Variants in CREB5 observed in about 807,000 individuals in gnomAD.
CREB5 encodes cyclic AMP-responsive element-binding protein 5.
In CREB5, 19 loss-of-function variants were observed where a neutral mutation model predicts 57.1. The observed-to-expected ratio is 0.33, with a 90% CI of 0.23 to 0.49. CREB5 has a LOEUF of 0.49. CREB5 is among the 20% of genes least tolerant of loss of function. The probability of loss-of-function intolerance (pLI) is 0.99; values close to 1 mark genes in which losing one functional copy is unlikely to be tolerated. For missense variants in CREB5, 579 were observed against 671.6 expected, an observed-to-expected ratio of 0.86 and a Z score of 1.52; for synonymous variants, 238 against 238.3, an observed-to-expected ratio of 1.00 and a Z score of 0.01.
rs987250174 is a variant in CREB5 at position 28,663,568 on chromosome 7, T to C, written c.465-55185T>C. 2.6e-5 allele frequency among the ~76,000 whole-genome samples: 4 copies of C among 152,200 alleles called. No homozygotes were observed. In the South Asian group the frequency reaches 6.2e-4, roughly 24 times the overall value. On this transcript the variant is annotated intron_variant, in intron 5 of 10. Transcript: ENST00000357727. ...AAGTCAAGAGGGGACCACAAGTCTCTGGTCTAAGATTCCGTTTTCATATTT... is the reference window on the plus strand; with the variant it reads ...AAGTCAAGAGGGGACCACAAGTCTCCGGTCTAAGATTCCGTTTTCATATTT...
intron 5 of CREB5, among the ~76,000 whole-genome samples, chr7:28,667,509 A>T (rs1053417685): frequency 1.8e-4 from 28 of 152,064 alleles, no homozygotes; most frequent in African/African-American, 6.0e-4. Context: ...TCCTTTTTAA[A>T]CCAAGGATAT....
At chr7:28,804,649 C>T (rs1018339110) in intron 8 of CREB5, 127 bp downstream of exon 8, 35 of 1,156,078 alleles carry the variant, frequency 3.0e-5, no homozygotes, top group Non-Finnish European at 4.3e-5. Context: ...ATTCTAGGGG[C>T]TCTGTTTATC....
intron 5 of CREB5, among the ~76,000 whole-genome samples, chr7:28,575,290 G>A (rs1795862736): frequency 6.6e-6 from 1 of 152,208 alleles, no homozygotes; most frequent in South Asian, 2.1e-4. Flanking sequence ...GTTCCCTCAA[G>A]ATGGGAATGT....
chr7:28,464,289 T>C (rs1035987714), intron 1 of CREB5, among the ~76,000 whole-genome samples: 1 of 152,212 alleles, frequency 6.6e-6, no homozygotes, highest in Non-Finnish European at 1.5e-5. Flanking sequence ...GAAATATTGC[T>C]GTGTATTTTC....
At chr7:28,331,817 C>T (rs1044745853) in intron 1 of CREB5, among the ~76,000 whole-genome samples, 55 of 148,392 alleles carry the variant, frequency 3.7e-4, no homozygotes, top group African/African-American at 1.1e-3. Flanking sequence ...CCATTGCACT[C>T]CAGCCTGGGT....
intron 5 of CREB5, among the ~76,000 whole-genome samples, chr7:28,577,148 G>A (rs1455602575): frequency 1.3e-5 from 2 of 152,200 alleles, no homozygotes; most frequent in Non-Finnish European, 2.9e-5. Flanking sequence ...TAAGCGCTCA[G>A]CTTCCCCAGG....
At chr7:28,434,796 C>A (rs1788880135) in intron 1 of CREB5, among the ~76,000 whole-genome samples, 1 of 152,080 alleles carries the variant, frequency 6.6e-6, no homozygotes, top group Admixed American at 6.6e-5. Flanking sequence ...ATGGCCCTGG[C>A]TTTTATTGTG....
At chr7:28,582,612 G>T (rs1432630237) in intron 5 of CREB5, among the ~76,000 whole-genome samples, 1 of 152,064 alleles carries the variant, frequency 6.6e-6, no homozygotes, top group Non-Finnish European at 1.5e-5. Context: ...TTATGGTGAT[G>T]GGTCTCATTT....
At chr7:28,485,318 C>T (rs904244692) in intron 1 of CREB5, among the ~76,000 whole-genome samples, 4 of 152,076 alleles carry the variant, frequency 2.6e-5, no homozygotes, top group African/African-American at 7.2e-5. Context: ...GTATATGAAA[C>T]TTTCTCATTT....
intron 5 of CREB5, among the ~76,000 whole-genome samples, chr7:28,585,777 G>A (rs1446570785): frequency 1.3e-5 from 2 of 152,058 alleles, no homozygotes; most frequent in African/African-American, 4.8e-5. Context: ...CGCATGGGAG[G>A]GTGTTAAAAG....
intron 5 of CREB5, among the ~76,000 whole-genome samples, chr7:28,694,169 C>T (rs553032876): frequency 5.2e-4 from 79 of 152,132 alleles, no homozygotes; most frequent in African/African-American, 1.6e-3. Flanking sequence ...CTAACACTTC[C>T]GTCAGCTCAG....
chr7:28,418,309 G>GT (rs1371914911), intron 1 of CREB5, among the ~76,000 whole-genome samples: 4 of 152,098 alleles, frequency 2.6e-5, no homozygotes, highest in East Asian at 3.8e-4. Context: ...TAATATACCT[G>GT]TTTTTTATAA....
intron 1 of CREB5, among the ~76,000 whole-genome samples, chr7:28,478,736 C>T (rs1562744945): frequency 6.6e-6 from 1 of 152,156 alleles, no homozygotes; most frequent in Non-Finnish European, 1.5e-5. Context: ...TGAGTCAACA[C>T]TGCTGTAGAT....
chr7:28,557,047 A>C (rs1038098869), intron 4 of CREB5, among the ~76,000 whole-genome samples: 1 of 149,354 alleles, frequency 6.7e-6, no homozygotes. Context: ...CTCCCTGCTG[A>C]AACTGGCCCC....
chr7:28,399,586 G>A (rs1787409586), intron 1 of CREB5, among the ~76,000 whole-genome samples: 2 of 152,246 alleles, frequency 1.3e-5, no homozygotes, highest in Admixed American at 6.5e-5. Flanking sequence ...CTAACCATAT[G>A]CAGAAGAATG....
intron 1 of CREB5, among the ~76,000 whole-genome samples, chr7:28,485,096 G>A (rs1214413797): frequency 6.6e-6 from 1 of 152,178 alleles, no homozygotes; most frequent in Non-Finnish European, 1.5e-5. Flanking sequence ...GTAGGCCAGG[G>A]CTTGGGATGG....
intron 5 of CREB5, among the ~76,000 whole-genome samples, chr7:28,590,560 G>A (rs1583674639): frequency 1.3e-5 from 2 of 150,020 alleles, no homozygotes; most frequent in African/African-American, 4.9e-5. Context: ...GATAGCATTA[G>A]GAGATATACC....
At chr7:28,512,437 T>C (rs1792749655) in intron 4 of CREB5, among the ~76,000 whole-genome samples, 1 of 152,052 alleles carries the variant, frequency 6.6e-6, no homozygotes, top group Non-Finnish European at 1.5e-5. Context: ...TGAAATCAAG[T>C]AGGGAAGCCC....
rs1427108623 is a variant in CREB5 at position 28,823,092 on chromosome 7, G to GTAAGT, written c.*3815_*3819dup. The stretch of plus-strand genomic sequence containing the variant: ...TTGCCTGTTAAGTAAACTTTAGTGT[G>GTAAGT]TAAGTTGAGTTTGTCATTAAAATCA... On this transcript the variant is annotated 3_prime_UTR_variant, in exon 11 of 11. Transcript: ENST00000357727. The GTAAGT allele has an allele frequency of 1.2e-4, 18 of 152,720 alleles. No individual in the cohort carries two copies. The highest frequency in any genetic ancestry group is 4.3e-4 in the African/African-American group (18 of 41,568). The allele number at this position is 152,720 out of a possible 1,614,324, so 9.5% of individuals were successfully genotyped here.
Sources: allele counts gnomAD v4.1 joint callset (sites outside exome capture counted in the v4.1 genomes callset), GRCh38; gene constraint gnomAD v4.1.1; transcripts MANE v1.5; gene names NCBI Gene and HGNC (gene_info 2026-07-23, HGNC 2026-07-21).